SOS2: variants seen among roughly 807,000 people sequenced by gnomAD.
The protein encoded by SOS2 is son of sevenless homolog 2.
In SOS2, 65 loss-of-function variants were observed where a neutral mutation model predicts 148.2. The observed-to-expected ratio is 0.44, with a 90% CI of 0.36 to 0.54. The LOEUF (loss-of-function observed/expected upper bound fraction) is 0.54. Ranked by LOEUF, SOS2 falls within the 20% of genes least tolerant of loss-of-function variation. The pLI is 0.00. For synonymous variants in SOS2, 539 were observed against 537.1 expected (o/e 1.00, Z -0.05); for missense variants, 1,341 against 1,590.2 (o/e 0.84, Z 2.67).
At chr14:50,222,749 G>A (rs1395972157) in intron 1 of SOS2, among the ~76,000 whole-genome samples, 4 of 152,182 alleles carry the variant, frequency 2.6e-5, no homozygotes, top group Admixed American at 2.6e-4. Flanking sequence ...AGGTCAGAGA[G>A]GTAAAAGCGG....
chr14:50,121,823 G>C (rs1249665257), intron 21 of SOS2, among the ~76,000 whole-genome samples: 1 of 152,212 alleles, frequency 6.6e-6, no homozygotes, highest in African/African-American at 2.4e-5. Context: ...GGGAGGTTAG[G>C]CAGAGGATGT....
At chr14:50,146,220 G>A (rs1009873021) in intron 14 of SOS2, among the ~76,000 whole-genome samples, 2 of 151,684 alleles carry the variant, frequency 1.3e-5, no homozygotes, top group Admixed American at 6.6e-5. Context: ...AACACCAATA[G>A]GGAAGTAAAA....
At chr14:50,182,401 C>A in intron 6 of SOS2, 62 bp downstream of exon 6, 2 of 1,477,092 alleles carry the variant, frequency 1.4e-6, no homozygotes, top group Non-Finnish European at 1.9e-6. Flanking sequence ...AGACTCATCT[C>A]TAAGTTTCTT....
intron 1 of SOS2, among the ~76,000 whole-genome samples, chr14:50,213,024 T>C (rs1041198760): frequency 1.1e-4 from 17 of 152,190 alleles, no homozygotes; most frequent in African/African-American, 3.9e-4. Context: ...CTTCTGTCAT[T>C]TGTACTACAC....
chr14:50,141,880 ATAGTT>A (rs1318056621), intron 16 of SOS2, among the ~76,000 whole-genome samples: 18 of 152,218 alleles, frequency 1.2e-4, no homozygotes, highest in Non-Finnish European at 1.3e-4. Flanking sequence ...TAAAGTTATG[ATAGTT>A]TAGACTAGTG....
intron 13 of SOS2, among the ~76,000 whole-genome samples, chr14:50,152,220 T>C (rs1488502604): frequency 6.6e-6 from 1 of 152,212 alleles, no homozygotes; most frequent in African/African-American, 2.4e-5. Context: ...AGATAAAACA[T>C]AAATGTTCTT....
At chr14:50,183,578 GGAT>G (rs1331090001) in intron 5 of SOS2, among the ~76,000 whole-genome samples, 1 of 152,132 alleles carries the variant, frequency 6.6e-6, no homozygotes, top group African/African-American at 2.4e-5. Flanking sequence ...CTCCTACTGT[GGAT>G]GATTCTAAGC....
chr14:50,211,100 G>C (rs902777404), intron 1 of SOS2, among the ~76,000 whole-genome samples: 2 of 151,796 alleles, frequency 1.3e-5, no homozygotes, highest in African/African-American at 2.4e-5. Flanking sequence ...CAATATAATA[G>C]ACGCTAGCCT....
intron 2 of SOS2, among the ~76,000 whole-genome samples, chr14:50,203,635 T>TA (rs2139793559): frequency 6.6e-6 from 1 of 152,144 alleles, no homozygotes; most frequent in South Asian, 2.1e-4. Flanking sequence ...TACATTTTTT[T>TA]AAATCACTGA....
intron 3 of SOS2, 122 bp from the exon 4 acceptor site, chr14:50,199,977 T>TAGTTA: frequency 1.7e-6 from 1 of 597,416 alleles, no homozygotes; most frequent in Non-Finnish European, 2.9e-6. Flanking sequence ...TGTCTAAATG[T>TAGTTA]ATGGGTACCA....
chr14:50,158,136 A>G lies in SOS2; in HGVS notation c.1934+429T>C, dbSNP rs1478780862. Among the ~76,000 whole-genome samples the G allele has an allele frequency of 2.0e-5, 3 of 152,008 alleles. No homozygotes were observed. The East Asian group carries it at 5.8e-4, about 29-fold the overall frequency. On this transcript the variant is annotated intron_variant, in intron 11 of 22. Transcript: ENST00000216373. ...AGGTGGTTGATGAATAAATGGGTTT[A>G]TTATATTCTTGTATCTGCTCTTGTA...
At chr14:50,156,976 T>G (rs1884842031) in intron 12 of SOS2, 23 bp downstream of exon 12, 1 of 1,381,042 alleles carries the variant, frequency 7.2e-7, no homozygotes, top group East Asian at 2.5e-5. Flanking sequence ...TATATATATA[T>G]ATAAAAAATA....
intron 8 of SOS2, among the ~76,000 whole-genome samples, chr14:50,173,414 T>C (rs547037409): frequency 2.0e-3 from 303 of 152,220 alleles, no homozygotes; most frequent in African/African-American, 6.6e-3. Context: ...ATGCTGGAGG[T>C]AGCCAGCTTT....
intron 9 of SOS2, among the ~76,000 whole-genome samples, chr14:50,160,849 A>T (rs572137930): frequency 6.6e-6 from 1 of 152,158 alleles, no homozygotes; most frequent in South Asian, 2.1e-4. Context: ...AAAATACAAA[A>T]ATTAGGCAGG....
At chr14:50,142,971 T>C (rs1224082248) in intron 16 of SOS2, among the ~76,000 whole-genome samples, 1 of 152,082 alleles carries the variant, frequency 6.6e-6, no homozygotes, top group African/African-American at 2.4e-5. Flanking sequence ...AAAAAGTCTT[T>C]CCAGGTACAA....
chr14:50,176,779 T>G (rs750451080), intron 7 of SOS2, among the ~76,000 whole-genome samples: 7 of 152,002 alleles, frequency 4.6e-5, no homozygotes, highest in Non-Finnish European at 8.8e-5. Flanking sequence ...GGAGGCTGAG[T>G]CAGGAGGATT....
rs79620412 is a variant in SOS2 at position 50,182,724 on chromosome 14, C to A, written c.715-118G>T. On this transcript the variant is annotated intron_variant, in intron 5 of 22. Transcript: ENST00000216373. ...AGACTGCCTATGGAATAGCCCTGCT[C>A]CACAAGAAACAGTACTTTTGCTGCT... 2,802 of 713,102 alleles carry A rather than the reference C, an allele frequency of 3.9e-3. 64 individuals carry two copies. In the African/African-American group the frequency reaches 0.043, roughly 11 times the overall value. 44.2% of individuals were successfully genotyped at this position (713,102 alleles called of 1,614,324 possible).
chr14:50,155,875 A>T (rs1168309171), intron 12 of SOS2: 1 of 152,190 alleles, frequency 6.6e-6, no homozygotes, highest in African/African-American at 2.4e-5. Flanking sequence ...GTAGATAAGT[A>T]CAAATGCATC....
chr14:50,186,749 T>C (rs1158719428), intron 5 of SOS2, among the ~76,000 whole-genome samples: 1 of 152,246 alleles, frequency 6.6e-6, no homozygotes, highest in African/African-American at 2.4e-5. Flanking sequence ...CATAAAGTTC[T>C]GACTACTTAT....
Sources: allele counts gnomAD v4.1 joint callset (sites outside exome capture counted in the v4.1 genomes callset), GRCh38; gene constraint gnomAD v4.1.1; transcripts MANE v1.5; gene names NCBI Gene and HGNC (gene_info 2026-07-23, HGNC 2026-07-21).